Variants in ADAMTSL2 observed in about 807,000 individuals in gnomAD.
ADAMTSL2 encodes ADAMTS like 2.
ADAMTSL2 carries 55 observed loss-of-function variants against 117.0 expected under a neutral mutation model. The observed-to-expected ratio is 0.47, with a 90% CI of 0.38 to 0.59. The LOEUF (loss-of-function observed/expected upper bound fraction) is 0.59, where lower values mean the gene tolerates loss of function less well. ADAMTSL2 is among the 20% of genes least tolerant of loss of function. ADAMTSL2 has a pLI of 0.00. For missense variants in ADAMTSL2, 1,182 were observed against 1,354.5 expected (o/e 0.87, Z 2.00); for synonymous variants, 572 against 566.4 (o/e 1.01, Z -0.14).
In ADAMTSL2 at chr9:133,568,285, C is replaced by A. The variant is rs1293538074; in HGVS notation, c.1887C>A (p.Ser629Arg). The change falls in exon 14 of 19, where the codon AGC becomes AGA. Residue 629 changes from serine to arginine, a missense_variant. Transcript: ENST00000651351. The part of the protein sequence containing the change: ...GRECQPRWET[S>R]SWSECSRTCG... ...GCTCCCGGGGCAGGTGGGAGACGAGCAGCTGGAGCGAGTGTTCGCGCACCT... is the reference window on the plus strand; with the variant it reads ...GCTCCCGGGGCAGGTGGGAGACGAGAAGCTGGAGCGAGTGTTCGCGCACCT... The A allele has an allele frequency of 7.0e-6, 11 of 1,568,256 alleles. No homozygotes were observed. The highest frequency in any genetic ancestry group is 9.5e-6 in the Non-Finnish European group (11 of 1,158,164).
intron 12 of ADAMTSL2, among the ~76,000 whole-genome samples, chr9:133,563,502 C>T (rs1830796920): frequency 2.6e-5 from 4 of 152,198 alleles, no homozygotes; most frequent in Non-Finnish European, 5.9e-5. Flanking sequence ...CCAGACACAT[C>T]GCTGGCTGGA....
chr9:133,566,447 AG>A (rs1830975466), intron 12 of ADAMTSL2, among the ~76,000 whole-genome samples: 1 of 152,196 alleles, frequency 6.6e-6, no homozygotes, highest in Non-Finnish European at 1.5e-5. Context: ...TCTCAAAAAA[AG>A]AAAGTTCAAG....
intron 9 of ADAMTSL2, among the ~76,000 whole-genome samples, chr9:133,548,085 A>C (rs1215685944): frequency 6.6e-6 from 1 of 152,216 alleles, no homozygotes; most frequent in East Asian, 1.9e-4. Context: ...GAGCCACCCC[A>C]CAACCTGGGC....
intron 11 of ADAMTSL2, among the ~76,000 whole-genome samples, chr9:133,559,066 G>A (rs1213717049): frequency 6.6e-6 from 1 of 152,166 alleles, no homozygotes; most frequent in Admixed American, 6.5e-5. Context: ...ATGGCGGAGC[G>A]TCTCCATGGG....
chr9:133,570,662 ACCACGTCAG>A (rs1831084962), intron 17 of ADAMTSL2, among the ~76,000 whole-genome samples, 155 bp downstream of exon 17: 1 of 151,972 alleles, frequency 6.6e-6, no homozygotes, highest in Non-Finnish European at 1.5e-5. Context: ...TCTCAACTCC[ACCACGTCAG>A]CTGGTGCGAG....
At chr9:133,532,193 T>C (rs905908096), upstream of ADAMTSL2, 2 of 152,126 alleles carry the variant, frequency 1.3e-5, no homozygotes, top group African/African-American at 2.4e-5. Flanking sequence ...CTTCTTTTTT[T>C]TCTCTCTCTT....
At chr9:133,562,870 A>C (rs7469350) in intron 12 of ADAMTSL2, among the ~76,000 whole-genome samples, 14 of 93,366 alleles carry the variant, frequency 1.5e-4, no homozygotes, top group South Asian at 3.5e-4. Flanking sequence ...CCGCTGTGGG[A>C]GGCGTGGTGG....
At chr9:133,536,910 G>C in intron 2 of ADAMTSL2, 108 bp downstream of exon 2, 1 of 1,545,844 alleles carries the variant, frequency 6.5e-7, no homozygotes, top group Admixed American at 1.9e-5. Flanking sequence ...ACGTGCCCCA[G>C]GTCCCAGAAC....
rs1333994073 is a variant in ADAMTSL2 at position 133,566,918 on chromosome 9, C to A, written c.1748-18C>A. 5.0e-6 allele frequency: 8 copies of A among 1,600,110 alleles called. No individual in the cohort carries two copies. The African/African-American group carries it at 1.1e-4, about 21-fold the overall frequency. On this transcript the variant is annotated intron_variant, in intron 12 of 18. Coordinates refer to ENST00000651351, the MANE Select transcript of ADAMTSL2 (RefSeq NM_014694.4). ...GGTGCCGGCATGGCTCACAGACCCA[C>A]CCCTGTCCCCAACCCAGGGGTCATG...
rs898973118 is a variant in ADAMTSL2, at chr9:133,539,803, G to A, written c.342G>A (p.Glu114=). The change falls in exon 5 of 19, where the codon GAG becomes GAA. Residue 114 remains glutamate, a synonymous_variant. Transcript: ENST00000651351. ...CGCCGGACGGGAGGAGCTTCCGCGA[G>A]GAGCAGTGCGTCTCCTTCAACTCCC... ...ECPPDGRSFR[E]EQCVSFNSHV... The A allele has an allele frequency of 2.6e-6, 4 of 1,548,062 alleles. No individual in the cohort carries two copies. In the Admixed American group the frequency reaches 7.9e-5, roughly 31 times the overall value.
intron 9 of ADAMTSL2, among the ~76,000 whole-genome samples, chr9:133,550,702 C>A (rs570031354): frequency 1.3e-5 from 2 of 151,758 alleles, no homozygotes; most frequent in South Asian, 4.2e-4. Context: ...CGTTCAGGAG[C>A]GGAAGGAGCT....
At chr9:133,550,071 C>T (rs531180166) in intron 9 of ADAMTSL2, among the ~76,000 whole-genome samples, 12 of 152,376 alleles carry the variant, frequency 7.9e-5, no homozygotes, top group Non-Finnish European at 1.5e-4. Flanking sequence ...AAGACCCTTG[C>T]ACCCACATCC....
intron 18 of ADAMTSL2, 139 bp from the exon 19 acceptor site, chr9:133,574,607 G>C (rs1373440219): frequency 5.1e-6 from 4 of 776,706 alleles, no homozygotes; most frequent in Non-Finnish European, 9.5e-6. Context: ...GAAGGAGGGG[G>C]CAGAGAGCTA....
intron 12 of ADAMTSL2, among the ~76,000 whole-genome samples, chr9:133,564,649 G>GGA (rs1830914617): frequency 3.6e-5 from 1 of 27,840 alleles, no homozygotes; most frequent in Non-Finnish European, 7.8e-5. Flanking sequence ...AGGGAGAGAG[G>GGA]GAGAGAGGGA....
At chr9:133,553,417 A>C (rs34012133) in intron 9 of ADAMTSL2, among the ~76,000 whole-genome samples, 18,429 of 152,042 alleles carry the variant, frequency 0.12, 1,251 homozygotes, top group African/African-American at 0.16. Context: ...CCTCACCCTC[A>C]CCTTTCCATG....
chr9:133,534,557 G>A (rs1830001961), upstream of ADAMTSL2: 5 of 960,830 alleles, frequency 5.2e-6, no homozygotes, highest in Middle Eastern at 3.7e-4. Context: ...CAGCTGGGCC[G>A]GCCTGGCCGG....
chr9:133,540,552 A>G (rs373254137), intron 5 of ADAMTSL2, 46 bp from the exon 6 acceptor site: 1 of 1,608,204 alleles, frequency 6.2e-7, no homozygotes, highest in Non-Finnish European at 8.5e-7. Context: ...TGAATCCGGC[A>G]TTTCCTGCCC....
intron 9 of ADAMTSL2, among the ~76,000 whole-genome samples, chr9:133,553,395 G>T (rs185736322): frequency 0.014 from 2,118 of 152,212 alleles, 64 homozygotes; most frequent in Admixed American, 0.082. Context: ...CTTTCTCTGC[G>T]GCTGCGCAGA....
upstream of ADAMTSL2, among the ~76,000 whole-genome samples, chr9:133,534,137 G>A (rs1829993103): frequency 6.6e-6 from 1 of 152,218 alleles, no homozygotes; most frequent in Admixed American, 6.5e-5. Flanking sequence ...TGGTCAGCAG[G>A]CCACGGGCAC....
Sources: allele counts gnomAD v4.1 joint callset (sites outside exome capture counted in the v4.1 genomes callset), GRCh38; gene constraint gnomAD v4.1.1; transcripts MANE v1.5; gene names NCBI Gene and HGNC (gene_info 2026-07-23, HGNC 2026-07-21).